The following TENM3 variants were observed in gnomAD, a reference collection of about 807,000 sequenced individuals.
TENM3 encodes teneurin-3.
A neutral mutation model predicts 255.1 loss-of-function variants in TENM3; 63 were observed. The observed-to-expected ratio is 0.25, with a 90% confidence interval of 0.20 to 0.30. The LOEUF is 0.30. Among genes scored for constraint, TENM3 ranks in the 10% least tolerant of loss-of-function variants. TENM3 has a pLI of 1.00. For synonymous variants in TENM3, 1,306 were observed against 1,322.3 expected (o/e 0.99, Z 0.27); for missense variants, 2,929 against 3,461.1 (o/e 0.85, Z 3.86).
At chr4:182,078,056 A>G in the TENM3 span, among the ~76,000 whole-genome samples, 1 of 152,176 alleles carries the variant, frequency 6.6e-6, no homozygotes, top group African/African-American at 2.4e-5. Flanking sequence ...CCTCATCACA[A>G]CTAACAACAA....
At chr4:181,806,685 T>C in the TENM3 span, among the ~76,000 whole-genome samples, 1 of 152,186 alleles carries the variant, frequency 6.6e-6, no homozygotes. Flanking sequence ...TGCCCGTGCC[T>C]TGATCTTGGA....
chr4:182,765,697 T>C (rs907899973), intron 22 of TENM3, among the ~76,000 whole-genome samples: 3 of 152,198 alleles, frequency 2.0e-5, no homozygotes, highest in Non-Finnish European at 4.4e-5. Context: ...CGGTCGCGAT[T>C]GTGTCGCTTA....
chr4:182,700,591 C>G (rs1397453475), intron 12 of TENM3, among the ~76,000 whole-genome samples: 1 of 152,196 alleles, frequency 6.6e-6, no homozygotes, highest in African/African-American at 2.4e-5. Context: ...TTTAATGAAG[C>G]TGGAACCCAG....
chr4:181,520,401 G>A, the TENM3 span, among the ~76,000 whole-genome samples: 1 of 152,204 alleles, frequency 6.6e-6, no homozygotes, highest in South Asian at 2.1e-4. Context: ...AACTGTCATG[G>A]GGTACCTGCG....
At chr4:181,739,230 T>C in the TENM3 span, among the ~76,000 whole-genome samples, 1 of 152,130 alleles carries the variant, frequency 6.6e-6, no homozygotes, top group African/African-American at 2.4e-5. Flanking sequence ...AATAATGATG[T>C]TGGCAATGAA....
chr4:181,499,818 T>C, the TENM3 span, among the ~76,000 whole-genome samples: 2 of 152,208 alleles, frequency 1.3e-5, no homozygotes, highest in African/African-American at 2.4e-5. Flanking sequence ...CTCAGTTTTA[T>C]ACTTGGGATA....
chr4:182,606,458 T>C (rs1031684859), intron 4 of TENM3, among the ~76,000 whole-genome samples: 3 of 132,746 alleles, frequency 2.3e-5, no homozygotes, highest in African/African-American at 8.8e-5. Context: ...CGGGAGGCAG[T>C]GGTTGCAGTG....
At chr4:182,022,580 T>A in the TENM3 span, among the ~76,000 whole-genome samples, 3 of 150,918 alleles carry the variant, frequency 2.0e-5, no homozygotes, top group South Asian at 6.3e-4. Flanking sequence ...ACTGTCTTGG[T>A]AAACACCTAA....
chr4:181,457,567 T>A, the TENM3 span, among the ~76,000 whole-genome samples: 1 of 151,808 alleles, frequency 6.6e-6, no homozygotes, highest in Non-Finnish European at 1.5e-5. Context: ...ACAGAGTATA[T>A]CTTTAAGGAC....
chr4:181,553,486 G>T, the TENM3 span, among the ~76,000 whole-genome samples: 2 of 151,864 alleles, frequency 1.3e-5, no homozygotes, highest in Non-Finnish European at 2.9e-5. Context: ...CTGTCGCCCA[G>T]GCTGGAGTGC....
intron 3 of TENM3, among the ~76,000 whole-genome samples, chr4:182,521,960 A>G (rs1738624315): frequency 6.6e-6 from 1 of 152,224 alleles, no homozygotes; most frequent in South Asian, 2.1e-4. Context: ...AATCATTCAG[A>G]AAAGAGACTT....
At chr4:182,481,002 G>A (rs1008614187) in intron 3 of TENM3, among the ~76,000 whole-genome samples, 6 of 151,988 alleles carry the variant, frequency 3.9e-5, no homozygotes, top group African/African-American at 9.6e-5. Context: ...TTGAAGAGTC[G>A]TTTTCTTTTC....
At chr4:182,247,406 C>G (rs531778364) in intron 1 of TENM3, among the ~76,000 whole-genome samples, 5 of 152,254 alleles carry the variant, frequency 3.3e-5, no homozygotes, top group African/African-American at 1.2e-4. Flanking sequence ...CATAGAGTGG[C>G]CCTCAGACCA....
At position 182,731,115 on chromosome 4, in the gene TENM3, C is replaced by G; in HGVS notation, c.2943C>G (p.Asp981Glu). Residue 981 changes from aspartate to glutamate, a missense_variant, in exon 16 of 28, where the codon GAC (aspartate) becomes GAG (glutamate). Coordinates refer to ENST00000511685, the MANE Select transcript of TENM3 (RefSeq NM_001080477.4). Reference protein sequence around the residue: ...LSTFFRSSPEDSPIIPETQVL... With the variant: ...LSTFFRSSPEESPIIPETQVL... ...CCTTTTTCAGATCTTCTCCTGAAGACAGTCCCATCATTCCCGAAACACAGG... is the reference window on the plus strand; with the variant it reads ...CCTTTTTCAGATCTTCTCCTGAAGAGAGTCCCATCATTCCCGAAACACAGG... The G allele has an allele frequency of 2.5e-6, 4 of 1,613,742 alleles. No homozygotes were observed. The highest frequency in any genetic ancestry group is 3.4e-6 in the Non-Finnish European group (4 of 1,179,782).
intron 3 of TENM3, among the ~76,000 whole-genome samples, chr4:182,540,958 A>G (rs1369828942): frequency 1.3e-5 from 2 of 152,178 alleles, no homozygotes; most frequent in Non-Finnish European, 2.9e-5. Flanking sequence ...AGTGGTACTA[A>G]GGTTAGTATT....
chr4:182,610,449 G>A (rs907495298), intron 4 of TENM3, among the ~76,000 whole-genome samples: 1 of 152,202 alleles, frequency 6.6e-6, no homozygotes, highest in Non-Finnish European at 1.5e-5. Flanking sequence ...GGGAGGCTGA[G>A]GCAGGTGGAT....
At chr4:182,351,929 C>T (rs1414411680) in intron 3 of TENM3, among the ~76,000 whole-genome samples, 4 of 152,130 alleles carry the variant, frequency 2.6e-5, no homozygotes, top group Non-Finnish European at 5.9e-5. Context: ...AACTCCCTGA[C>T]ATCTAGTGAG....
chr4:182,759,342 C>A (rs1407399028), intron 22 of TENM3, among the ~76,000 whole-genome samples: 1 of 152,162 alleles, frequency 6.6e-6, no homozygotes, highest in African/African-American at 2.4e-5. Flanking sequence ...TGTTTATTTG[C>A]AGAGAAGAGT....
Position 182,653,883 on chromosome 4 carries a change from T to C in TENM3, c.1101T>C (p.Ser367=). The C allele has an allele frequency of 6.2e-7, 1 of 1,609,322 alleles. No homozygotes were observed. The highest frequency in any genetic ancestry group is 1.1e-5 in the South Asian group (1 of 90,044). ...TMPTNTVSLP[S]GDNGKLGGFT... ...CAACAAACACTGTGTCATTACCTTC[T>C]GGAGACAATGGTAAGCGAAAGAATT... The change falls in exon 6 of 28, where the codon TCT becomes TCC. Residue 367 remains serine, a synonymous_variant. Transcript: ENST00000511685.
Sources: allele counts gnomAD v4.1 joint callset (sites outside exome capture counted in the v4.1 genomes callset), GRCh38; gene constraint gnomAD v4.1.1; transcripts MANE v1.5; gene names NCBI Gene and HGNC (gene_info 2026-07-23, HGNC 2026-07-21).